COL12A1: variants seen among roughly 807,000 people sequenced by gnomAD.
COL12A1 encodes the protein collagen type XII alpha 1 chain, also known as collagen alpha-1(XII) chain.
A neutral mutation model predicts 349.7 loss-of-function variants in COL12A1; 114 were observed. The observed-to-expected ratio is 0.33, with a 90% confidence interval of 0.28 to 0.38. The LOEUF (loss-of-function observed/expected upper bound fraction) is 0.38. COL12A1 is among the 10% of genes least tolerant of loss of function. The pLI is 1.00. For synonymous variants in COL12A1, 1,369 were observed against 1,329.0 expected (o/e 1.03, Z -0.66); for missense variants, 3,284 against 3,756.9 (o/e 0.87, Z 3.29).
rs768052470 is a variant in COL12A1 at position 75,180,945 on chromosome 6, C to T, written c.2158G>A (p.Glu720Lys). The change falls in exon 11 of 66, where the codon GAA (glutamate) becomes AAA (lysine). Residue 720 changes from glutamate (E) to lysine (K), a missense_variant. Glu to Lys is a moderately conservative substitution (Grantham distance 56, BLOSUM62 1). Around this residue, in one of 2 missense-constraint regions of COL12A1, gnomAD observed 2,601 missense variants for 2,824.8 expected, o/e 0.92. Coordinates refer to ENST00000322507, the MANE Select transcript of COL12A1 (RefSeq NM_004370.6). ...GGCAGAAACCCCATCACACCTTCTT[C>T]GGTGGTCTCCTCTCCAGCTAAGGGA... Reference protein sequence around the residue: ...SIPLAGEETTEEVKGAPRNLK... With the variant: ...SIPLAGEETTKEVKGAPRNLK... The T allele has an allele frequency of 5.7e-5, 92 of 1,609,542 alleles. No homozygotes were observed. Among genetic ancestry groups the T allele is most frequent in the African/African-American group, 3.2e-4 (24 of 74,852 alleles).
chr6:75,158,188 A>C (rs184628181), intron 14 of COL12A1, among the ~76,000 whole-genome samples: 56 of 152,340 alleles, frequency 3.7e-4, no homozygotes, highest in South Asian at 1.2e-3. Flanking sequence ...CTCAACCTTC[A>C]ATGTGATGAC....
At position 75,151,807 on chromosome 6, in the gene COL12A1, G is replaced by A. The variant is rs1189810219; in HGVS notation, c.4000+60C>T. 9.3e-6 allele frequency: 14 copies of A among 1,500,380 alleles called. No homozygotes were observed. The Middle Eastern group carries it at 1.2e-3, about 133-fold the overall frequency. The allele number at this position is 1,500,380 out of a possible 1,614,324, so 92.9% of individuals were successfully genotyped here. On this transcript the variant is annotated intron_variant, in intron 20 of 65. Transcript: ENST00000322507. The stretch of plus-strand genomic sequence containing the variant: ...TGCTTCAGATAAAACTTCTAACTAC[G>A]AAAAATATCCTCAGCACATTTGTAA...
chr6:75,167,553 T>C (rs1278795977), intron 13 of COL12A1, among the ~76,000 whole-genome samples: 1 of 152,178 alleles, frequency 6.6e-6, no homozygotes, highest in African/African-American at 2.4e-5. Flanking sequence ...CCCAAAGGTT[T>C]TGCTTCTCAA....
chr6:75,137,795 A>G (rs1582113583), intron 30 of COL12A1, among the ~76,000 whole-genome samples: 2 of 152,142 alleles, frequency 1.3e-5, no homozygotes, highest in African/African-American at 4.8e-5. Flanking sequence ...TGAAGTTCCA[A>G]CTTCCAATAT....
chr6:75,151,815 T>G (rs921509533), intron 20 of COL12A1, 52 bp downstream of exon 20: 1 of 1,530,552 alleles, frequency 6.5e-7, no homozygotes, highest in East Asian at 2.3e-5. Flanking sequence ...ACGAAAAATA[T>G]CCTCAGCACA....
At position 75,154,528 on chromosome 6, in the gene COL12A1, G is replaced by A. The variant is rs761059583; in HGVS notation, c.3453C>T (p.Thr1151=). 1.9e-6 allele frequency: 3 copies of A among 1,608,840 alleles called. No individual in the cohort carries two copies. The highest frequency in any genetic ancestry group is 1.3e-5 in the African/African-American group (1 of 74,792). Residue 1151 remains threonine, a synonymous_variant, in exon 17 of 66, where the codon ACC becomes ACT. Transcript: ENST00000322507. ...TVVLEELRAG[T]TYKVNVFGMF... The stretch of plus-strand genomic sequence containing the variant: ...TTCCAAAAACATTTACTTTATAGGT[G>A]GTACCAGCCCTAAAATGTTAAAGTA...
chr6:75,155,937 A>G, intron 15 of COL12A1, 83 bp from the exon 16 acceptor site: 2 of 1,393,714 alleles, frequency 1.4e-6, no homozygotes, highest in South Asian at 2.9e-5. Flanking sequence ...ACAAAAATGC[A>G]TATCCATAAA....
chr6:75,177,036 G>A (rs150150867), intron 12 of COL12A1, among the ~76,000 whole-genome samples: 270 of 152,272 alleles, frequency 1.8e-3, no homozygotes, highest in African/African-American at 6.3e-3. Context: ...TTTCAATGGT[G>A]CATAGCAGTT....
chr6:75,202,635 G>T, intron 2 of COL12A1, 85 bp downstream of exon 2: 2 of 1,329,858 alleles, frequency 1.5e-6, no homozygotes, highest in Non-Finnish European at 2.1e-6. Context: ...GGAAAACAGA[G>T]CAAGCAATAG....
At chr6:75,165,305 G>C (rs1040763806) in intron 14 of COL12A1, among the ~76,000 whole-genome samples, 1 of 151,750 alleles carries the variant, frequency 6.6e-6, no homozygotes, top group Non-Finnish European at 1.5e-5. Context: ...AGTTGAAAGA[G>C]ATTCGATATT....
chr6:75,094,185 A>G lies in COL12A1; in HGVS notation c.8649+923T>C, dbSNP rs564351075. On this transcript the variant is annotated intron_variant, in intron 60 of 65. Transcript: ENST00000322507. The stretch of plus-strand genomic sequence containing the variant: ...GCAAGCCATATCACATAAATGTCCA[A>G]TTCTAAGTCTCTCTGAAATTACTTT... Among the ~76,000 whole-genome samples the G allele has an allele frequency of 7.9e-5, 12 of 152,270 alleles. No homozygotes were observed. The East Asian group carries it at 2.1e-3, about 27-fold the overall frequency.
Position 75,137,528 on chromosome 6 carries a change from C to T in COL12A1, c.5303G>A (p.Ser1768Asn), listed in dbSNP as rs371310137. Residue 1768 changes from serine to asparagine, a missense_variant, in exon 31 of 66, where the codon AGC (serine) becomes AAC (asparagine). Around this residue, in one of 2 missense-constraint regions of COL12A1, gnomAD observed 2,601 missense variants for 2,824.8 expected, o/e 0.92. Transcript: ENST00000322507. ...NLQVYNATSNSLTVKWDPASG... is the reference protein window; with the variant it reads ...NLQVYNATSNNLTVKWDPASG... Reference sequence around the variant, plus strand: ...AGCAGGATCCCACTTAACAGTCAGGCTGTTAGATGTTGCATTGTACACTTG... The same window carrying T: ...AGCAGGATCCCACTTAACAGTCAGGTTGTTAGATGTTGCATTGTACACTTG... 1 of 1,613,824 alleles carries T rather than the reference C, an allele frequency of 6.2e-7. No homozygotes were observed. The highest frequency in any genetic ancestry group is 8.5e-7 in the Non-Finnish European group (1 of 1,179,866).
intron 10 of COL12A1, among the ~76,000 whole-genome samples, chr6:75,182,143 G>A (rs772005978): frequency 4.5e-4 from 68 of 151,698 alleles, no homozygotes; most frequent in Non-Finnish European, 8.4e-4. Context: ...AAAGCCAACT[G>A]AGTGAAAGTG....
intron 38 of COL12A1, among the ~76,000 whole-genome samples, chr6:75,126,924 C>G (rs368259243): frequency 1.3e-3 from 193 of 152,208 alleles, no homozygotes; most frequent in African/African-American, 4.5e-3. Context: ...CCCTGTACCT[C>G]TCTATCCTCC....
Position 75,202,313 on chromosome 6 carries a change from T to C in COL12A1, c.73+407A>G, listed in dbSNP as rs1770571618. Among the ~76,000 whole-genome samples the C allele has an allele frequency of 2.6e-5, 4 of 152,198 alleles. No individual in the cohort carries two copies. The South Asian group carries it at 8.3e-4, about 31-fold the overall frequency. The stretch of plus-strand genomic sequence containing the variant: ...TCGCAGCCCCGAGCCAGGTGGTTGG[T>C]TACCAGCCAAGCGAGCGAGTGCGCC... On this transcript the variant is annotated intron_variant, in intron 2 of 65. Transcript: ENST00000322507.
Position 75,123,348 on chromosome 6 carries a change from T to C in COL12A1, c.6928A>G (p.Ile2310Val), listed in dbSNP as rs752850582. The C allele has an allele frequency of 3.9e-5, 62 of 1,609,138 alleles. No homozygotes were observed. In the Admixed American group the frequency reaches 1.0e-3, roughly 27 times the overall value. The stretch of plus-strand genomic sequence containing the variant: ...TACTTACCATCCCGGGCTGGTGGAA[T>C]GGTGGGAGGGGGAGGAGGTGTGGGT... ...EPPTPPPPPT[I>V]PPARDVCKGA... is the part of the protein sequence containing the mutation. The change falls in exon 43 of 66, where the codon ATT (isoleucine) becomes GTT (valine). Residue 2310 changes from isoleucine to valine, a missense_variant. By Grantham distance (29) the Ile-to-Val change is conservative (BLOSUM62 3). Transcript: ENST00000322507.
rs1288595478 is a variant in COL12A1, at chr6:75,138,682, C to T, written c.5098-102G>A. The T allele has an allele frequency of 1.4e-5, 22 of 1,564,018 alleles. No individual in the cohort carries two copies. The African/African-American group carries it at 2.0e-4, about 15-fold the overall frequency. On this transcript the variant is annotated intron_variant, in intron 28 of 65. Coordinates refer to ENST00000322507, the MANE Select transcript of COL12A1 (RefSeq NM_004370.6). ...ATTCACATTATTTAGCCAGATGTTCCTCCTGCTCTGATGCATGTCATGAGC... is the reference window on the plus strand; with the variant it reads ...ATTCACATTATTTAGCCAGATGTTCTTCCTGCTCTGATGCATGTCATGAGC...
intron 40 of COL12A1, 90 bp from the exon 41 acceptor site, chr6:75,124,461 T>A: frequency 2.1e-6 from 2 of 961,146 alleles, no homozygotes; most frequent in Non-Finnish European, 3.0e-6. Flanking sequence ...ACTTTCACTG[T>A]GGCTAAAAAA....
Position 75,140,655 on chromosome 6 carries a change from C to CAAAAAAAAAAAA in COL12A1, c.4957+1365_4957+1376dup, listed in dbSNP as rs1236499281. Among the ~76,000 whole-genome samples the CAAAAAAAAAAAA allele has an allele frequency of 7.4e-4, 34 of 46,134 alleles. 2 individuals carry two copies. Among genetic ancestry groups the CAAAAAAAAAAAA allele is most frequent in the African/African-American group, 2.8e-3 (31 of 11,150 alleles). The allele number at this position is 46,134 out of a possible 152,430, so 30.3% of individuals were successfully genotyped here. ...TGGGTGACAGAGCGAGACTCTGTCT[C>CAAAAAAAAAAAA]AAAAAAAAAAAAAAAAAAAAAAAGC... On this transcript the variant is annotated intron_variant, in intron 27 of 65. Transcript: ENST00000322507.
Sources: allele counts gnomAD v4.1 joint callset (sites outside exome capture counted in the v4.1 genomes callset), GRCh38; gene constraint gnomAD v4.1.1; regional missense constraint gnomAD v4.1.1; transcripts MANE v1.5; gene names NCBI Gene and HGNC (gene_info 2026-07-23, HGNC 2026-07-21).